The following ZNF521 variants were observed in gnomAD, a reference collection of about 807,000 sequenced individuals.
ZNF521 encodes LYST-interacting protein 3.
A neutral mutation model predicts 105.5 loss-of-function variants in ZNF521; 14 were observed. That is an observed-to-expected ratio of 0.13 (90% confidence interval 0.09 to 0.21). The LOEUF is 0.21. Among genes scored for constraint, ZNF521 ranks in the 10% least tolerant of loss-of-function variants. The probability of loss-of-function intolerance (pLI) is 1.00; values close to 1 mark genes in which losing one functional copy is unlikely to be tolerated. For missense variants in ZNF521, 1,233 were observed against 1,629.7 expected (o/e 0.76, Z 4.19); for synonymous variants, 635 against 606.0 (o/e 1.05, Z -0.70).
chr18:25,329,106 C>G (rs766758315), intron 2 of ZNF521, among the ~76,000 whole-genome samples: 1 of 152,184 alleles, frequency 6.6e-6, no homozygotes, highest in Non-Finnish European at 1.5e-5. Context: ...CCTGGAGATA[C>G]AACGTCTAAA....
At chr18:25,233,699 GT>G (rs1465935829) in intron 3 of ZNF521, among the ~76,000 whole-genome samples, 1 of 140,190 alleles carries the variant, frequency 7.1e-6, no homozygotes, top group Non-Finnish European at 1.5e-5. Flanking sequence ...ATACTCCCTA[GT>G]AAAAAAGAGG....
chr18:25,177,583 A>G (rs1380972846), intron 5 of ZNF521, among the ~76,000 whole-genome samples: 1 of 151,728 alleles, frequency 6.6e-6, no homozygotes. Context: ...GAAGGCTGCT[A>G]TCTACATGCA....
At position 25,062,755 on chromosome 18, in the gene ZNF521, A is replaced by C. The variant is rs760223426; in HGVS notation, c.3907-14T>G. 6.3e-6 allele frequency: 4 copies of C among 636,196 alleles called. No individual in the cohort carries two copies. The highest frequency in any genetic ancestry group is 2.2e-4 in the East Asian group (1 of 4,462). The allele number at this position is 636,196 out of a possible 1,614,324, so 39.4% of individuals were successfully genotyped here. On this transcript the variant is annotated splice_polypyrimidine_tract_variant and intron_variant, in intron 7 of 7. Coordinates refer to ENST00000361524, the MANE Select transcript of ZNF521 (RefSeq NM_015461.3). ...CATTGTATGATTCTGTAAATAACAA[A>C]AAAAAAAAAAAAAAAAAAAAAAAAA...
At chr18:25,202,420 GT>G (rs2036009083) in intron 4 of ZNF521, 1 of 152,286 alleles carries the variant, frequency 6.6e-6, no homozygotes, top group Non-Finnish European at 1.5e-5. Flanking sequence ...GCATGTACAT[GT>G]TTTTATAAAG....
chr18:25,135,235 T>A (rs922137896), intron 5 of ZNF521, among the ~76,000 whole-genome samples: 1 of 152,022 alleles, frequency 6.6e-6, no homozygotes, highest in African/African-American at 2.4e-5. Flanking sequence ...ATGGCTTCTT[T>A]ACCTTATTTT....
chr18:25,243,666 T>C (rs1428769924), intron 3 of ZNF521, among the ~76,000 whole-genome samples: 2 of 152,240 alleles, frequency 1.3e-5, no homozygotes, highest in African/African-American at 4.8e-5. Flanking sequence ...AGCTGATTAA[T>C]AATTTTACTT....
In ZNF521 at chr18:25,226,280, A is replaced by G. The variant is rs1906119946; in HGVS notation, c.1638T>C (p.Ser546=). ...HCDLSGSRFG[S]PVLGTPKEPV... is the part of the protein sequence containing the mutation. ...GTTCTTTGGGAGTCCCAAGCACTGG[A>G]GACCCAAATCGGGAGCCACTGAGGT... Residue 546 remains serine (S), a synonymous_variant, in exon 4 of 8, where the codon TCT becomes TCC. Coordinates refer to ENST00000361524, the MANE Select transcript of ZNF521 (RefSeq NM_015461.3). This position sits in a 1 kb window ranked among gnomAD's most constrained non-coding sequence, Gnocchi z 4.1. 6.2e-7 allele frequency: 1 copy of G among 1,614,068 alleles called. No individual in the cohort carries two copies. The highest frequency in any genetic ancestry group is 1.1e-5 in the South Asian group (1 of 91,074).
chr18:25,330,416 A>G (rs1423506651), intron 2 of ZNF521, among the ~76,000 whole-genome samples: 1 of 152,096 alleles, frequency 6.6e-6, no homozygotes, highest in African/African-American at 2.4e-5. Flanking sequence ...CACCCGCCTC[A>G]GCTGCCCAAA....
At chr18:25,089,788 C>T (rs1469307107) in intron 6 of ZNF521, among the ~76,000 whole-genome samples, 2 of 152,088 alleles carry the variant, frequency 1.3e-5, no homozygotes, top group Non-Finnish European at 2.9e-5. Flanking sequence ...CCTAATTCAA[C>T]CCAAACAGCT....
chr18:25,172,227 C>T (rs1023239566), intron 5 of ZNF521, among the ~76,000 whole-genome samples: 4 of 152,130 alleles, frequency 2.6e-5, no homozygotes, highest in Non-Finnish European at 5.9e-5. Context: ...ATACATTTCT[C>T]ACGCCTCCTA....
At chr18:25,123,538 T>C (rs1396393851) in intron 5 of ZNF521, among the ~76,000 whole-genome samples, 1 of 152,166 alleles carries the variant, frequency 6.6e-6, no homozygotes, top group Non-Finnish European at 1.5e-5. Flanking sequence ...AACTATTCAC[T>C]GTAAAGGAAG....
intron 5 of ZNF521, among the ~76,000 whole-genome samples, chr18:25,150,278 G>C (rs575623299): frequency 1.4e-4 from 21 of 152,218 alleles, no homozygotes; most frequent in Admixed American, 4.6e-4. Flanking sequence ...GGGGACTCAG[G>C]GGGTAAGGCT....
intron 5 of ZNF521, among the ~76,000 whole-genome samples, chr18:25,102,201 CGACTG>C (rs2033979444): frequency 6.6e-6 from 1 of 152,038 alleles, no homozygotes; most frequent in Non-Finnish European, 1.5e-5. Flanking sequence ...ATGGGACACA[CGACTG>C]GGAAGGCACA....
At chr18:25,257,951 G>A (rs961068943) in intron 3 of ZNF521, among the ~76,000 whole-genome samples, 4 of 152,076 alleles carry the variant, frequency 2.6e-5, no homozygotes, top group East Asian at 3.9e-4. Context: ...ACATGCACAT[G>A]TGTGCACAAA....
rs191160163 is a variant in ZNF521 at position 25,332,553 on chromosome 18, A to G, written c.41-10366T>C. Among the ~76,000 whole-genome samples, 401 of 152,318 alleles carry G rather than the reference A, an allele frequency of 2.6e-3. 2 individuals carry two copies. The highest frequency in any genetic ancestry group is 9.3e-3 in the African/African-American group (385 of 41,586). ...AAAGCCACACAACCAAAAATAAACT[A>G]TAAAAATAGATCATTATTGATTTAG... On this transcript the variant is annotated intron_variant, in intron 2 of 7. Transcript: ENST00000361524.
intron 7 of ZNF521, among the ~76,000 whole-genome samples, chr18:25,069,900 T>C (rs2033174123): frequency 6.6e-6 from 1 of 152,214 alleles, no homozygotes; most frequent in African/African-American, 2.4e-5. Flanking sequence ...GAATGTTGCA[T>C]TTATGATCAT....
chr18:25,142,080 C>T (rs1652969122), intron 5 of ZNF521, among the ~76,000 whole-genome samples: 1 of 152,156 alleles, frequency 6.6e-6, no homozygotes, highest in African/African-American at 2.4e-5. Context: ...TTCCACCCTC[C>T]TCCCCCATCA....
chr18:25,243,960 G>A (rs1600204726), intron 3 of ZNF521, among the ~76,000 whole-genome samples: 1 of 152,104 alleles, frequency 6.6e-6, no homozygotes, highest in Non-Finnish European at 1.5e-5. Flanking sequence ...TCAGCTCTGT[G>A]ATGATATGAA....
At chr18:25,084,929 T>C (rs1164296470) in intron 7 of ZNF521, among the ~76,000 whole-genome samples, 3 of 152,222 alleles carry the variant, frequency 2.0e-5, no homozygotes, top group Non-Finnish European at 4.4e-5. Context: ...ATATGCATTG[T>C]AGGATATTAT....
Sources: gnomAD v4.1 joint callset for allele counts (sites outside exome capture counted in the v4.1 genomes callset) on GRCh38, gnomAD v4.1.1 for gene constraint, Gnocchi (gnomAD v3.1) non-coding constraint, MANE v1.5 for transcripts, NCBI Gene and HGNC (gene_info 2026-07-23, HGNC 2026-07-21) for gene names.